PTGS1: variants seen among roughly 807,000 people sequenced by gnomAD.
PTGS1 encodes the protein prostaglandin-endoperoxide synthase 1.
Under a neutral mutation model 63.0 loss-of-function variants are expected in PTGS1, and 40 were observed. The ratio of observed to expected loss-of-function variants is 0.63; its 90% CI spans 0.49 to 0.83. The LOEUF is 0.83. Among genes scored for constraint, PTGS1 ranks in the 40% least tolerant of loss-of-function variants. The pLI is 0.00. For missense variants in PTGS1, 709 were observed against 786.5 expected (o/e 0.90, Z 1.18); for synonymous variants, 298 against 301.9 (o/e 0.99, Z 0.13).
At chr9:122,382,903 T>C (rs532619280) in intron 7 of PTGS1, among the ~76,000 whole-genome samples, 3 of 152,248 alleles carry the variant, frequency 2.0e-5, no homozygotes, top group African/African-American at 7.2e-5. Context: ...CAGAGTTGCA[T>C]AAAGGATGAG....
At chr9:122,381,605 A>T in intron 6 of PTGS1, 53 bp downstream of exon 6, 1 of 1,612,868 alleles carries the variant, frequency 6.2e-7, no homozygotes, top group Middle Eastern at 1.7e-4. Context: ...TGGCACGCGT[A>T]TGTCATCGAC....
intron 2 of PTGS1, 86 bp from the exon 3 acceptor site, chr9:122,377,813 C>T (rs532547982): frequency 1.3e-5 from 16 of 1,215,984 alleles, no homozygotes; most frequent in Non-Finnish European, 1.8e-5. Context: ...GTCCATGCCT[C>T]TGGCCCCTCA....
chr9:122,390,725 G>A lies in PTGS1; in HGVS notation c.1444+380G>A, dbSNP rs552412208. Among the ~76,000 whole-genome samples, 12 of 152,104 alleles carry A rather than the reference G, an allele frequency of 7.9e-5. No homozygotes were observed. The South Asian group carries it at 2.1e-3, about 26-fold the overall frequency. ...ATCCTGGCTAACACGATGAAACCCC[G>A]TCTCTACTAAAAATACAAAAAATTA... On this transcript the variant is annotated intron_variant, in intron 10 of 10. Transcript: ENST00000362012.
intron 10 of PTGS1, among the ~76,000 whole-genome samples, chr9:122,391,322 ATATATATGTGTGTG>A (rs1342271200): frequency 6.6e-4 from 82 of 123,656 alleles, no homozygotes; most frequent in African/African-American, 3.1e-3. Context: ...ATACACACAC[ATATATATGTGTGTG>A]TATATATATA....
At chr9:122,370,708 G>C (rs977809555), upstream of PTGS1, 1 of 438,478 alleles carries the variant, frequency 2.3e-6, no homozygotes, top group Non-Finnish European at 4.1e-6. Context: ...TCTTCTCTGC[G>C]GGGCAGGGTA....
At chr9:122,386,817 A>G (rs1209274088) in intron 9 of PTGS1, 85 bp downstream of exon 9, 4 of 1,498,956 alleles carry the variant, frequency 2.7e-6, no homozygotes, top group Non-Finnish European at 2.7e-6. Context: ...CTTCTTCTGT[A>G]AAATGGGGCT....
At chr9:122,373,874 T>G (rs568467802) in intron 2 of PTGS1, among the ~76,000 whole-genome samples, 1 of 151,818 alleles carries the variant, frequency 6.6e-6, no homozygotes, top group Non-Finnish European at 1.5e-5. Flanking sequence ...TTTTTCTCTC[T>G]GGCTGCCAGG....
In PTGS1 at chr9:122,371,075, C is replaced by T; in HGVS notation, c.-10C>T. ...CTGCACTCTGCGTCCCGCACCCCAG[C>T]AGCCGCGCCATGAGCCGTGAGTGCG... On this transcript the variant is annotated 5_prime_UTR_variant, in exon 1 of 11. Coordinates refer to ENST00000362012, the MANE Select transcript of PTGS1 (RefSeq NM_000962.4). 1 of 1,596,948 alleles carries T rather than the reference C, an allele frequency of 6.3e-7. No individual in the cohort carries two copies. Among genetic ancestry groups the T allele is most frequent in the South Asian group, 1.1e-5 (1 of 90,512 alleles).
intron 6 of PTGS1, 46 bp downstream of exon 6, chr9:122,381,598 C>T: frequency 6.2e-7 from 1 of 1,613,150 alleles, no homozygotes; most frequent in East Asian, 2.2e-5. Flanking sequence ...CCTAATTTGG[C>T]ACGCGTATGT....
rs117990240 is a variant in PTGS1, at chr9:122,380,109, A to G, written c.496+1191A>G. On this transcript the variant is annotated intron_variant, in intron 5 of 10. Transcript: ENST00000362012. ...ACACCTATTTTAAGGGGAGCAAGCA[A>G]GCCTGCTAGTCCTTTTGGACTCTTG... 8.4e-3 allele frequency among the ~76,000 whole-genome samples: 1,277 copies of G among 152,282 alleles called. 38 individuals carry two copies. The highest frequency in any genetic ancestry group is 0.056 in the Admixed American group (860 of 15,300).
chr9:122,386,768 G>A, intron 9 of PTGS1, 36 bp downstream of exon 9: 4 of 1,604,214 alleles, frequency 2.5e-6, no homozygotes, highest in Non-Finnish European at 3.4e-6. Context: ...GGGCAGGTGG[G>A]CTGAGGGATC....
At chr9:122,370,944 C>A, upstream of PTGS1, 1 of 1,361,124 alleles carries the variant, frequency 7.3e-7, no homozygotes, top group Non-Finnish European at 1.0e-6. Flanking sequence ...AGTAAGCGGG[C>A]AGCCGAGGTG....
intron 2 of PTGS1, among the ~76,000 whole-genome samples, chr9:122,375,808 C>T (rs1318903019): frequency 6.6e-6 from 1 of 152,026 alleles, no homozygotes; most frequent in Non-Finnish European, 1.5e-5. Context: ...GAGGGGCTGG[C>T]GCAGAATGTT....
chr9:122,385,278 C>T (rs1837808295), intron 8 of PTGS1, among the ~76,000 whole-genome samples: 1 of 152,100 alleles, frequency 6.6e-6, no homozygotes, highest in South Asian at 2.1e-4. Flanking sequence ...TATTATAACA[C>T]ACATTTTACA....
Position 122,391,373 on chromosome 9 carries a change from A to C in PTGS1, c.1445-816A>C, listed in dbSNP as rs1236372450. 9.1e-5 allele frequency among the ~76,000 whole-genome samples: 6 copies of C among 65,862 alleles called. No homozygotes were observed. The East Asian group carries it at 4.2e-3, about 46-fold the overall frequency. The allele number at this position is 65,862 out of a possible 152,430, so 43.2% of individuals were successfully genotyped here. A position where few individuals can be genotyped will look rare whatever the true frequency, so the allele number is the denominator to read the frequency against. On this transcript the variant is annotated intron_variant, in intron 10 of 10. Transcript: ENST00000362012. ...TATATATATACATATATATATATACATATATATATATACATATATATATAC... is the reference window on the plus strand; with the variant it reads ...TATATATATACATATATATATATACCTATATATATATACATATATATATAC...
intron 2 of PTGS1, chr9:122,375,311 T>G: frequency 1.0e-6 from 1 of 985,462 alleles, no homozygotes; most frequent in Non-Finnish European, 1.2e-6. Flanking sequence ...CGTTCCAGCT[T>G]CAGCGTCTGG....
At chr9:122,374,718 C>T (rs543580455) in intron 2 of PTGS1, among the ~76,000 whole-genome samples, 8 of 152,258 alleles carry the variant, frequency 5.3e-5, no homozygotes, top group South Asian at 2.1e-4. Flanking sequence ...TGGTTTCATT[C>T]GTTCTGGATT....
At chr9:122,391,068 GT>G (rs1191025137) in intron 10 of PTGS1, among the ~76,000 whole-genome samples, 1 of 151,468 alleles carries the variant, frequency 6.6e-6, no homozygotes, top group African/African-American at 2.4e-5. Context: ...GTTTTATTTG[GT>G]CTAGTGCTTT....
chr9:122,385,592 A>G (rs9299281), intron 8 of PTGS1, among the ~76,000 whole-genome samples: 41,761 of 151,888 alleles, frequency 0.27, 9,283 homozygotes, highest in African/African-American at 0.61. Flanking sequence ...GAATCCTGTT[A>G]TATAAGAACA....
Sources: allele counts gnomAD v4.1 joint callset (sites outside exome capture counted in the v4.1 genomes callset), GRCh38; gene constraint gnomAD v4.1.1; transcripts MANE v1.5; gene names NCBI Gene and HGNC (gene_info 2026-07-23, HGNC 2026-07-21).